The following PGAP6 variants were observed in gnomAD, a reference collection of about 807,000 sequenced individuals.
PGAP6 encodes the protein post-GPI attachment to proteins factor 6.
PGAP6 carries 62 observed loss-of-function variants against 68.4 expected under a neutral mutation model. The ratio of observed to expected loss-of-function variants is 0.91; its 90% CI spans 0.74 to 1.12. The LOEUF is 1.12. PGAP6 is among the 50% of genes most tolerant of loss of function. PGAP6 has a pLI of 0.00. For missense variants in PGAP6, 1,188 were observed against 1,068.5 expected, an observed-to-expected ratio of 1.11 and a Z score of -1.56; for synonymous variants, 575 against 474.0, an observed-to-expected ratio of 1.21 and a Z score of -2.77.
upstream of PGAP6, among the ~76,000 whole-genome samples, chr16:385,972 C>A (rs1237458235): frequency 6.6e-6 from 1 of 152,124 alleles, no homozygotes; most frequent in South Asian, 2.1e-4. Context: ...AATGTGTCTT[C>A]AGAAGGAATG....
At chr16:384,569 G>T (rs1156469366), upstream of PGAP6, among the ~76,000 whole-genome samples, 1 of 152,198 alleles carries the variant, frequency 6.6e-6, no homozygotes, top group Non-Finnish European at 1.5e-5. Context: ...AAATGTAATG[G>T]AGAGGGCCGG....
At chr16:380,831 G>A (rs2054430912) in intron 1 of PGAP6, among the ~76,000 whole-genome samples, 2 of 152,200 alleles carry the variant, frequency 1.3e-5, no homozygotes, top group Admixed American at 1.3e-4. Flanking sequence ...GGAAGTCGGG[G>A]AACAGCACCG....
At chr16:376,098 C>A in intron 6 of PGAP6, 38 bp downstream of exon 6, 1 of 1,558,698 alleles carries the variant, frequency 6.4e-7, no homozygotes, top group Non-Finnish European at 8.7e-7. Flanking sequence ...GCGCCCTGCC[C>A]GAGCCCAGGC....
chr16:373,943 G>C (rs2054356241), intron 11 of PGAP6, 62 bp downstream of exon 11: 2 of 1,514,220 alleles, frequency 1.3e-6, no homozygotes, highest in Admixed American at 2.1e-5. Context: ...ACTGCCTTTC[G>C]CAGGCTGCAC....
At chr16:376,007 G>C (rs540056311) in intron 6 of PGAP6, 129 bp downstream of exon 6, 6 of 897,736 alleles carry the variant, frequency 6.7e-6, no homozygotes, top group Non-Finnish European at 7.7e-6. Context: ...ATGGGCCCCT[G>C]TCTTGGCCCG....
chr16:372,459 A>G, intron 12 of PGAP6, 152 bp downstream of exon 12: 2 of 957,918 alleles, frequency 2.1e-6, no homozygotes. Context: ...TCAGGGACAC[A>G]GCCATGCTGG....
chr16:374,730 G>A lies in PGAP6; in HGVS notation c.1576+26C>T, dbSNP rs767372555. ...TGGAAGCCAACAGCAGCAGCGTCTC[G>A]GGGCGGGCGGGGCCCTGGCACTCAC... On this transcript the variant is annotated intron_variant, in intron 9 of 12. Coordinates refer to ENST00000431232, the MANE Select transcript of PGAP6 (RefSeq NM_021259.3). The A allele has an allele frequency of 9.1e-5, 146 of 1,611,032 alleles. No individual in the cohort carries two copies. In the East Asian group the frequency reaches 2.9e-3, roughly 32 times the overall value.
In PGAP6 at chr16:375,138, A is replaced by C. The variant is rs767585536; in HGVS notation, c.1434T>G (p.Asn478Lys). 1.2e-6 allele frequency: 2 copies of C among 1,613,150 alleles called. No individual in the cohort carries two copies. Among genetic ancestry groups the C allele is most frequent in the African/African-American group, 2.7e-5 (2 of 74,918 alleles). The change falls in exon 8 of 13, where the codon AAT (asparagine) becomes AAG (lysine). Residue 478 changes from asparagine to lysine, a missense_variant. Asn to Lys is a moderately conservative substitution (Grantham distance 94, BLOSUM62 0). Coordinates refer to ENST00000431232, the MANE Select transcript of PGAP6 (RefSeq NM_021259.3). ...TCTGCCCTAGGTTTACTTACTCAGC[A>C]TTCTCAGGGCACATGAGCTGCAGGG... ...YLSLQLMCPE[N>K]AEDCEQAVVH...
In PGAP6 at chr16:377,484, C is replaced by T. The variant is rs1235770199; in HGVS notation, c.401G>A (p.Ser134Asn). The T allele has an allele frequency of 6.2e-7, 1 of 1,608,036 alleles. No individual in the cohort carries two copies. Among genetic ancestry groups the T allele is most frequent in the Non-Finnish European group, 8.5e-7 (1 of 1,178,110 alleles). The change falls in exon 3 of 13, where the codon AGC (serine) becomes AAC (asparagine). Residue 134 changes from serine to asparagine, a missense_variant. Ser to Asn is a conservative substitution (Grantham distance 46). Transcript: ENST00000431232. ...GGAGGCATTGCTTCTCGGTGTGGTG[C>T]TCAGCGGCACCCCGACCTGGAAGGA... ...QPSFQVGVPL[S>N]TTPRSNASVN...
At chr16:374,991 A>G (rs2054368674) in intron 8 of PGAP6, 99 bp from the exon 9 acceptor site, 1 of 1,583,984 alleles carries the variant, frequency 6.3e-7, no homozygotes, top group Non-Finnish European at 8.6e-7. Flanking sequence ...ACGCAGCATT[A>G]GGGCCCCCAG....
chr16:374,107 G>A lies in PGAP6; in HGVS notation c.1800C>T (p.Ile600=), dbSNP rs1372704195. The A allele has an allele frequency of 1.2e-6, 2 of 1,611,588 alleles. No homozygotes were observed. The highest frequency in any genetic ancestry group is 1.7e-5 in the Admixed American group (1 of 59,996). The change falls in exon 11 of 13, where the codon ATC becomes ATT. Residue 600 remains isoleucine, a synonymous_variant. Transcript: ENST00000431232. ...CDQPGEAVLC[I]LSYDTLQYCD... is the part of the protein sequence containing the mutation. The stretch of plus-strand genomic sequence containing the variant: ...AGTACTGCAGCGTGTCGTAGCTGAG[G>A]ATGCACAGCACCGCCTCCCCGGGCT...
upstream of PGAP6, chr16:386,726 C>CAAAAAAAAA: frequency 1.9e-5 from 6 of 311,114 alleles, no homozygotes; most frequent in East Asian, 8.6e-5. Context: ...AAAAAAAAAC[C>CAAAAAAAAA]AAAAAAAAAA....
chr16:380,419 T>C (rs1400759739), intron 1 of PGAP6, among the ~76,000 whole-genome samples: 1 of 150,968 alleles, frequency 6.6e-6, no homozygotes, highest in African/African-American at 2.4e-5. Flanking sequence ...CAGGCTGGAG[T>C]GCAATGGAGC....
chr16:372,424 G>C (rs890488027), intron 12 of PGAP6, 141 bp from the exon 13 acceptor site: 18 of 1,055,878 alleles, frequency 1.7e-5, no homozygotes, highest in Non-Finnish European at 2.4e-5. Flanking sequence ...GGGGGCTCAA[G>C]GCCACTGGTC....
Position 372,003 on chromosome 16 carries a change from AG to A in PGAP6, c.2299del (p.Leu767CysfsTer4). ...YQICKNDREELYAVT is the reference protein window; with the variant it reads ...YQICKNDREEXYAVT ...AGGCCAGTGTCACGTCACTGCGTAC[AG>A]TTCCTCCCGATCGTTCTTGCAGATC... is the stretch of plus-strand genomic sequence containing the variant. On this transcript the variant is annotated frameshift_variant, in exon 13 of 13. Transcript: ENST00000431232. LOFTEE classifies it high-confidence loss of function. 6.2e-7 allele frequency: 1 copy of A among 1,612,490 alleles called. No individual in the cohort carries two copies. The highest frequency in any genetic ancestry group is 8.5e-7 in the Non-Finnish European group (1 of 1,179,780).
upstream of PGAP6, among the ~76,000 whole-genome samples, chr16:385,639 T>TGAGATGGAG (rs2054478603): frequency 7.9e-6 from 1 of 127,152 alleles, no homozygotes; most frequent in African/African-American, 3.4e-5. Flanking sequence ...TTTTTTTTTT[T>TGAGATGGAG]TTTGAGATGG....
intron 12 of PGAP6, 94 bp downstream of exon 12, chr16:372,517 G>A (rs759136861): frequency 4.6e-6 from 5 of 1,094,980 alleles, no homozygotes; most frequent in Non-Finnish European, 6.9e-6. Context: ...GGCATTCACT[G>A]GTTGGAGCAG....
At chr16:382,065 G>A, upstream of PGAP6, 3 of 439,692 alleles carry the variant, frequency 6.8e-6, no homozygotes, top group South Asian at 1.1e-4. Context: ...CGGACGCCGG[G>A]GGGAGGGGTC....
chr16:374,782 AG>A lies in PGAP6; in HGVS notation c.1549del (p.Leu517CysfsTer116). The A allele has an allele frequency of 6.2e-7, 1 of 1,612,734 alleles. No homozygotes were observed. The highest frequency in any genetic ancestry group is 8.5e-7 in the Non-Finnish European group (1 of 1,179,916). On this transcript the variant is annotated frameshift_variant, in exon 9 of 13. Transcript: ENST00000431232. LOFTEE classifies it high-confidence loss of function. ...TGCCTTGCAGCTGCAGCTGGCATAC[AG>A]GTAGCTGTGTCTGCGGAGCAGGAGG... ...QCLLLRRHSY[L>X]YASCSCKAGW... is the part of the protein sequence containing the mutation.
Sources: gnomAD v4.1 joint callset for allele counts (sites outside exome capture counted in the v4.1 genomes callset) on GRCh38, gnomAD v4.1.1 for gene constraint, MANE v1.5 for transcripts, NCBI Gene and HGNC (gene_info 2026-07-23, HGNC 2026-07-21) for gene names.